The following PALM2AKAP2 variants were observed in gnomAD, a reference collection of about 807,000 sequenced individuals.
The protein encoded by PALM2AKAP2 is PALM2-AKAP2 fusion protein.
PALM2AKAP2 carries 37 observed loss-of-function variants against 71.5 expected under a neutral mutation model. That is an observed-to-expected ratio of 0.52 (90% confidence interval 0.40 to 0.68). The LOEUF is 0.68. PALM2AKAP2 is among the 30% of genes least tolerant of loss of function. PALM2AKAP2 has a pLI of 0.00. For synonymous variants in PALM2AKAP2, 468 were observed against 478.8 expected (o/e 0.98, Z 0.29); for missense variants, 1,224 against 1,191.8 (o/e 1.03, Z -0.40).
At chr9:109,917,209 C>A (rs1369222159) in intron 3 of PALM2AKAP2, among the ~76,000 whole-genome samples, 1 of 152,172 alleles carries the variant, frequency 6.6e-6, no homozygotes, top group Non-Finnish European at 1.5e-5. Flanking sequence ...TGGGTGACCT[C>A]AGGGAGCTGA....
At chr9:109,765,259 T>G (rs1829130113) in intron 1 of PALM2AKAP2, among the ~76,000 whole-genome samples, 1 of 152,220 alleles carries the variant, frequency 6.6e-6, no homozygotes, top group Admixed American at 6.5e-5. Flanking sequence ...AATTGCAAAT[T>G]CTGGCTCTGC....
intron 3 of PALM2AKAP2, among the ~76,000 whole-genome samples, chr9:109,920,022 T>C (rs1260059423): frequency 6.6e-6 from 1 of 152,200 alleles, no homozygotes; most frequent in East Asian, 1.9e-4. Flanking sequence ...TGCCTATCTA[T>C]GGGTTTGCCT....
At chr9:109,789,384 CA>C in intron 1 of PALM2AKAP2, among the ~76,000 whole-genome samples, 1 of 152,292 alleles carries the variant, frequency 6.6e-6, no homozygotes, top group Middle Eastern at 3.4e-3. Context: ...GGAGAAGCAG[CA>C]ACTGATGTTC....
intron 6 of PALM2AKAP2, among the ~76,000 whole-genome samples, chr9:109,971,206 G>T (rs749367014): frequency 1.1e-4 from 16 of 144,728 alleles, no homozygotes; most frequent in Admixed American, 2.1e-4. Context: ...GCAGTGCTCA[G>T]TAAATATCAG....
At chr9:109,972,984 A>G (rs949180167) in intron 6 of PALM2AKAP2, among the ~76,000 whole-genome samples, 1 of 152,212 alleles carries the variant, frequency 6.6e-6, no homozygotes, top group Non-Finnish European at 1.5e-5. Context: ...AATACACATA[A>G]GCAAAAAGAC....
At chr9:109,934,524 C>T (rs78423639) in intron 6 of PALM2AKAP2, among the ~76,000 whole-genome samples, 8,755 of 152,180 alleles carry the variant, frequency 0.058, 373 homozygotes, top group Admixed American at 0.13. Context: ...AGACACCCTC[C>T]GCCATCCCTG....
intron 7 of PALM2AKAP2, chr9:110,024,902 A>T: frequency 8.3e-7 from 1 of 1,202,330 alleles, no homozygotes; most frequent in Non-Finnish European, 1.2e-6. Context: ...ATTCATAGGG[A>T]ATAGGTTCCA....
At chr9:109,795,243 A>T (rs1325039296) in intron 1 of PALM2AKAP2, among the ~76,000 whole-genome samples, 2 of 152,172 alleles carry the variant, frequency 1.3e-5, no homozygotes, top group Non-Finnish European at 2.9e-5. Context: ...CCTTTGGGGA[A>T]AAAAATAACC....
intron 1 of PALM2AKAP2, among the ~76,000 whole-genome samples, chr9:110,111,950 C>T (rs1434411244): frequency 6.6e-6 from 1 of 152,098 alleles, no homozygotes; most frequent in Non-Finnish European, 1.5e-5. Context: ...ACCTTCTGCC[C>T]TGCATGTTGG....
chr9:109,819,620 G>T lies in PALM2AKAP2; in HGVS notation c.45+39087G>T, dbSNP rs545004474. Among the ~76,000 whole-genome samples, 191 of 137,270 alleles carry T rather than the reference G, an allele frequency of 1.4e-3. 1 individual carries two copies. Among genetic ancestry groups the T allele is most frequent in the African/African-American group, 4.4e-3 (174 of 39,294 alleles). The allele number at this position is 137,270 out of a possible 152,430, so 90.1% of individuals were successfully genotyped here. ...CAAGACAACACACATTTCAGTGGCT[G>T]CTCCTTCTGCATACATCATTGAGCT... is the stretch of plus-strand genomic sequence containing the variant. On this transcript the variant is annotated intron_variant, in intron 1 of 9. Coordinates refer to the PALM2AKAP2 transcript ENST00000302798.
At chr9:110,032,153 C>T (rs1224943455) in intron 7 of PALM2AKAP2, among the ~76,000 whole-genome samples, 2 of 151,768 alleles carry the variant, frequency 1.3e-5, no homozygotes. Context: ...GACTACTGCA[C>T]CCATCATACT....
rs536329921 is a variant in PALM2AKAP2, at chr9:109,898,576, T to G, written c.257+17895T>G. Reference sequence around the variant, plus strand: ...ACTATTGTTTGTTGAATTATTGCACTTTTAAGAAATCAATCTGAAGATTAA... The same window carrying G: ...ACTATTGTTTGTTGAATTATTGCACGTTTAAGAAATCAATCTGAAGATTAA... On this transcript the variant is annotated intron_variant, in intron 3 of 9. Transcript: ENST00000302798. Among the ~76,000 whole-genome samples the G allele has an allele frequency of 2.0e-5, 3 of 152,354 alleles. No individual in the cohort carries two copies. In the South Asian group the frequency reaches 6.2e-4, roughly 32 times the overall value.
At chr9:109,893,416 G>A (rs1166720382) in intron 3 of PALM2AKAP2, among the ~76,000 whole-genome samples, 1 of 151,944 alleles carries the variant, frequency 6.6e-6, no homozygotes, top group Non-Finnish European at 1.5e-5. Context: ...AAGCGTGAGA[G>A]GCTAGAGTTA....
intron 2 of PALM2AKAP2, among the ~76,000 whole-genome samples, chr9:109,869,402 C>T (rs1244393253): frequency 6.6e-6 from 1 of 152,062 alleles, no homozygotes; most frequent in East Asian, 1.9e-4. Context: ...GATTTCAGCT[C>T]ACTGCAAGCT....
At chr9:109,891,193 G>C (rs139145811) in intron 3 of PALM2AKAP2, among the ~76,000 whole-genome samples, 61 of 152,278 alleles carry the variant, frequency 4.0e-4, no homozygotes, top group Admixed American at 7.2e-4. Context: ...GGGCCACATG[G>C]CTCCTTTGTG....
chr9:109,691,221 A>G (rs1827880448), intron 1 of PALM2AKAP2, among the ~76,000 whole-genome samples: 2 of 148,092 alleles, frequency 1.4e-5, no homozygotes, highest in Non-Finnish European at 3.0e-5. Flanking sequence ...ACACAGCTTC[A>G]TATATCCTGC....
intron 7 of PALM2AKAP2, among the ~76,000 whole-genome samples, chr9:110,038,171 T>G (rs970980153): frequency 4.0e-5 from 6 of 151,800 alleles, no homozygotes; most frequent in African/African-American, 1.5e-4. Flanking sequence ...AAGACCTCCC[T>G]CTCTACAAAG....
intron 1 of PALM2AKAP2, among the ~76,000 whole-genome samples, chr9:110,134,377 A>T (rs1835800974): frequency 2.0e-5 from 3 of 152,254 alleles, no homozygotes; most frequent in Non-Finnish European, 4.4e-5. Flanking sequence ...AATTGTGTTA[A>T]GTATCACTCC....
rs1244245058 is a variant in PALM2AKAP2, at chr9:110,011,020, T to A, written c.497-4934T>A. 4.2e-3 allele frequency among the ~76,000 whole-genome samples: 521 copies of A among 123,866 alleles called. 7 individuals are homozygous for A. Among genetic ancestry groups the A allele is most frequent in the African/African-American group, 0.015 (467 of 31,082 alleles). 81.3% of individuals were successfully genotyped at this position (123,866 alleles called of 152,430 possible). Reference sequence around the variant, plus strand: ...TCAAAAAAAAAAAAAAAAAAATATATATATATATATATATATACTTTTGTA... The same window carrying A: ...TCAAAAAAAAAAAAAAAAAAATATAAATATATATATATATATACTTTTGTA... On this transcript the variant is annotated intron_variant, in intron 6 of 9. Coordinates refer to the PALM2AKAP2 transcript ENST00000302798.
Sources: allele counts gnomAD v4.1 joint callset (sites outside exome capture counted in the v4.1 genomes callset), GRCh38; gene constraint gnomAD v4.1.1; transcripts MANE v1.5; gene names NCBI Gene and HGNC (gene_info 2026-07-23, HGNC 2026-07-21).